Variants in KDM2B observed in about 807,000 individuals in gnomAD.
KDM2B encodes lysine-specific demethylase 2B.
In KDM2B, 26 loss-of-function variants were observed where a neutral mutation model predicts 150.0. That is an observed-to-expected ratio of 0.17 (90% CI 0.13 to 0.24). KDM2B has a LOEUF of 0.24. Among genes scored for constraint, KDM2B ranks in the 10% least tolerant of loss-of-function variants. The probability of loss-of-function intolerance (pLI) is 1.00; values close to 1 mark genes in which losing one functional copy is unlikely to be tolerated. For synonymous variants in KDM2B, 734 were observed against 729.5 expected (o/e 1.01, Z -0.10); for missense variants, 1,265 against 1,816.9 (o/e 0.70, Z 5.52).
At chr12:121,485,781 CT>C (rs201999551) in intron 12 of KDM2B, among the ~76,000 whole-genome samples, 4,072 of 145,838 alleles carry the variant, frequency 0.028, 94 homozygotes, top group East Asian at 0.12. Context: ...GAAATGATAA[CT>C]TTTTTTTTTT....
At chr12:121,580,111 AG>A (rs1403850453) in intron 1 of KDM2B, 38 of 1,574,732 alleles carry the variant, frequency 2.4e-5, no homozygotes, top group Non-Finnish European at 2.9e-5. Context: ...ATTTTGGCCG[AG>A]GGGGGAAGGA....
chr12:121,420,903 C>G, the KDM2B span: 15 of 687,610 alleles, frequency 2.2e-5, no homozygotes, highest in Admixed American at 3.4e-4. Flanking sequence ...TACTGAGTAT[C>G]AGTTAGTTAC....
chr12:121,434,511 A>AG (rs1555286292), intron 22 of KDM2B, among the ~76,000 whole-genome samples: 1 of 152,046 alleles, frequency 6.6e-6, no homozygotes, highest in East Asian at 1.9e-4. Flanking sequence ...AAAAAAAAAA[A>AG]AAAAAAAAAA....
chr12:121,510,189 G>A, intron 10 of KDM2B, 150 bp from the exon 11 acceptor site: 1 of 699,992 alleles, frequency 1.4e-6, no homozygotes, highest in Non-Finnish European at 2.3e-6. Context: ...CTCTGGAAAG[G>A]CCGTGGGGGA....
Position 121,453,011 on chromosome 12 carries a change from C to T in KDM2B, c.1959+109G>A. The T allele has an allele frequency of 9.6e-7, 1 of 1,043,490 alleles. No individual in the cohort carries two copies. Among genetic ancestry groups the T allele is most frequent in the Non-Finnish European group, 1.4e-6 (1 of 740,666 alleles). 64.6% of individuals were successfully genotyped at this position (1,043,490 alleles called of 1,614,324 possible). A position where few individuals can be genotyped will look rare whatever the true frequency, so the allele number is the denominator to read the frequency against. ...AAGAGCTCTCGGGGAGTCCACAGCC[C>T]CGGCTTCTCTGTGTGCGGAGGGGCG... On this transcript the variant is annotated intron_variant, in intron 13 of 22. Coordinates refer to ENST00000377071, the MANE Select transcript of KDM2B (RefSeq NM_032590.5). This position sits in a 1 kb window ranked among gnomAD's most constrained non-coding sequence, Gnocchi z 6.4.
intron 13 of KDM2B, among the ~76,000 whole-genome samples, chr12:121,448,134 C>T (rs185704589): frequency 1.4e-3 from 210 of 151,788 alleles, no homozygotes; most frequent in African/African-American, 4.3e-3. Flanking sequence ...GCCTGGGCAA[C>T]GTGGCAAAAC....
chr12:121,557,352 C>T (rs1889977401), intron 4 of KDM2B, among the ~76,000 whole-genome samples: 1 of 151,222 alleles, frequency 6.6e-6, no homozygotes, highest in South Asian at 2.1e-4. Context: ...ATTCTCCTGC[C>T]TCAACCTCCC....
rs1050223900 is a variant in KDM2B at position 121,440,971 on chromosome 12, C to T, written c.3455G>A (p.Arg1152Gln). 13 of 1,613,594 alleles carry T rather than the reference C, an allele frequency of 8.1e-6. No individual in the cohort carries two copies. The highest frequency in any genetic ancestry group is 5.3e-5 in the African/African-American group (4 of 74,930). ...TGAGCAGCCTGACAGCACCAAGTCC[C>T]GGAGCCCTGGGGGGACATAGAAAAG... ...SWLINRLPGLRDLVLSGCSWI... is the reference protein window; with the variant it reads ...SWLINRLPGLQDLVLSGCSWI... Residue 1152 changes from arginine to glutamine, a missense_variant, in exon 21 of 23, where the codon CGG becomes CAG. Coordinates refer to ENST00000377071, the MANE Select transcript of KDM2B (RefSeq NM_032590.5).
At chr12:121,437,947 C>A (rs187526134) in intron 22 of KDM2B, among the ~76,000 whole-genome samples, 1 of 151,482 alleles carries the variant, frequency 6.6e-6, no homozygotes, top group East Asian at 1.9e-4. Context: ...CCTTAGTATA[C>A]TTCACAGCTC....
Position 121,561,320 on chromosome 12 carries a change from T to C in KDM2B, c.398-11682A>G, listed in dbSNP as rs78806331. On this transcript the variant is annotated intron_variant, in intron 4 of 22. Transcript: ENST00000377071. ...TCTTCCACATCACAGTTCTGGAACCTTCTCCAGCATCCTCACATTTCTGGA... is the reference window on the plus strand; with the variant it reads ...TCTTCCACATCACAGTTCTGGAACCCTCTCCAGCATCCTCACATTTCTGGA... Among the ~76,000 whole-genome samples, 260 of 152,282 alleles carry C rather than the reference T, an allele frequency of 1.7e-3. 2 individuals carry two copies. The East Asian group carries it at 0.029, about 17-fold the overall frequency.
At chr12:121,580,216 G>C (rs1295950269) in intron 1 of KDM2B, 1 of 1,411,436 alleles carries the variant, frequency 7.1e-7, no homozygotes, top group Non-Finnish European at 9.2e-7. Flanking sequence ...AGGCAGATCC[G>C]TTTGCAAAGT....
At chr12:121,577,995 C>T (rs756706988) in intron 2 of KDM2B, among the ~76,000 whole-genome samples, 1 of 152,144 alleles carries the variant, frequency 6.6e-6, no homozygotes, top group East Asian at 1.9e-4. Context: ...GGAGGCGTCC[C>T]CAGATTCCGC....
chr12:121,487,215 C>A (rs138330210), intron 12 of KDM2B, among the ~76,000 whole-genome samples: 5 of 152,208 alleles, frequency 3.3e-5, no homozygotes, highest in African/African-American at 1.2e-4. Context: ...CCTTTTGCCA[C>A]CCATATTTTT....
intron 8 of KDM2B, chr12:121,524,552 A>T (rs1204997178): frequency 1.0e-5 from 2 of 196,816 alleles, no homozygotes; most frequent in Non-Finnish European, 2.2e-5. Context: ...TCAGGCAGCC[A>T]CCCCTGGATT....
At chr12:121,415,875 C>A in the KDM2B span, among the ~76,000 whole-genome samples, 1 of 122,558 alleles carries the variant, frequency 8.2e-6, no homozygotes, top group Non-Finnish European at 1.6e-5. Flanking sequence ...TGCCTGTGTA[C>A]ATGTATCTGT....
At chr12:121,416,277 C>T in the KDM2B span, 4 of 1,614,122 alleles carry the variant, frequency 2.5e-6, no homozygotes, top group Non-Finnish European at 3.4e-6. Context: ...TTCAGATTTA[C>T]ACCAAACCCT....
chr12:121,550,700 G>T (rs782810304), intron 4 of KDM2B, among the ~76,000 whole-genome samples: 49 of 152,100 alleles, frequency 3.2e-4, no homozygotes, highest in African/African-American at 8.7e-4. Flanking sequence ...CGCCATGTTG[G>T]TCAGGCTGGT....
chr12:121,534,777 G>A (rs781973039), intron 6 of KDM2B, 187 bp from the exon 7 acceptor site: 4 of 561,226 alleles, frequency 7.1e-6, no homozygotes, highest in Non-Finnish European at 1.3e-5. Flanking sequence ...CTGTGATCAG[G>A]TGACAAATCT....
chr12:121,535,648 G>A (rs1440876131), intron 6 of KDM2B, among the ~76,000 whole-genome samples: 6 of 152,216 alleles, frequency 3.9e-5, no homozygotes, highest in African/African-American at 1.2e-4. Flanking sequence ...GGAAGAGAAG[G>A]AGGAGGAAGA....
Sources: allele counts gnomAD v4.1 joint callset (sites outside exome capture counted in the v4.1 genomes callset), GRCh38; gene constraint gnomAD v4.1.1; non-coding constraint Gnocchi (gnomAD v3.1); transcripts MANE v1.5; gene names NCBI Gene and HGNC (gene_info 2026-07-23, HGNC 2026-07-21).